PDE4D: variants seen among roughly 807,000 people sequenced by gnomAD.
PDE4D encodes 3',5'-cyclic-AMP phosphodiesterase 4D.
A neutral mutation model predicts 87.4 loss-of-function variants in PDE4D; 24 were observed. That is an observed-to-expected ratio of 0.27 (90% CI 0.20 to 0.39). PDE4D has a LOEUF of 0.39. Among genes scored for constraint, PDE4D ranks in the 10% least tolerant of loss-of-function variants. The pLI, the probability that PDE4D is intolerant of heterozygous loss-of-function variation, is 1.00. For synonymous variants in PDE4D, 384 were observed against 383.2 expected, an observed-to-expected ratio of 1.00 and a Z score of -0.02; for missense variants, 714 against 1,041.0, an observed-to-expected ratio of 0.69 and a Z score of 4.32.
At chr5:59,729,947 G>A (rs1314211640) in intron 1 of PDE4D, among the ~76,000 whole-genome samples, 2 of 151,970 alleles carry the variant, frequency 1.3e-5, no homozygotes, top group African/African-American at 4.8e-5. Flanking sequence ...AATAGCCCCA[G>A]AATAGAAACC....
At chr5:59,792,606 G>A (rs1765936855) in intron 1 of PDE4D, among the ~76,000 whole-genome samples, 1 of 152,106 alleles carries the variant, frequency 6.6e-6, no homozygotes, top group Admixed American at 6.6e-5. Context: ...AACGCAAGGT[G>A]GTAAAAGCAT....
intron 1 of PDE4D, among the ~76,000 whole-genome samples, chr5:60,245,122 G>T (rs1747604363): frequency 6.6e-6 from 1 of 151,900 alleles, no homozygotes; most frequent in Non-Finnish European, 1.5e-5. Flanking sequence ...ATTTAAAAAT[G>T]GGTGAAAGAG....
chr5:59,413,306 A>T (rs2153621968), intron 1 of PDE4D, among the ~76,000 whole-genome samples: 1 of 151,944 alleles, frequency 6.6e-6, no homozygotes, highest in South Asian at 2.1e-4. Flanking sequence ...AAATACAAAA[A>T]AATTAGCCGG....
intron 1 of PDE4D, among the ~76,000 whole-genome samples, chr5:59,826,422 G>T (rs1199180742): frequency 1.3e-5 from 2 of 152,108 alleles, no homozygotes; most frequent in African/African-American, 4.8e-5. Context: ...TTGTGCACAT[G>T]AAAAACATTT....
intron 1 of PDE4D, among the ~76,000 whole-genome samples, chr5:59,334,161 C>T (rs548827722): frequency 1.3e-5 from 2 of 148,808 alleles, no homozygotes; most frequent in East Asian, 4.0e-4. Context: ...GTCTGATAGC[C>T]TTTATAGGAT....
rs74528086 is a variant in PDE4D, at chr5:60,363,461, C to T, written c.-90+124481G>A. Among the ~76,000 whole-genome samples the T allele has an allele frequency of 7.9e-3, 1,208 of 152,264 alleles. 22 individuals are homozygous for T. Among genetic ancestry groups the T allele is most frequent in the African/African-American group, 0.028 (1,174 of 41,546 alleles). On this transcript the variant is annotated intron_variant, in intron 1 of 16. Transcript: ENST00000502484. ...CACTGAATGTGGGCAAATTGTAATTCGTCCATCTAACAAATACTTTTGAGC... is the reference window on the plus strand; with the variant it reads ...CACTGAATGTGGGCAAATTGTAATTTGTCCATCTAACAAATACTTTTGAGC...
intron 5 of PDE4D, among the ~76,000 whole-genome samples, chr5:59,165,670 G>T (rs1373707607): frequency 6.6e-6 from 1 of 152,290 alleles, no homozygotes; most frequent in East Asian, 1.9e-4. Context: ...TTCAGGCTCT[G>T]GAAGGTTAAA....
chr5:59,125,249 C>A (rs973906024), intron 5 of PDE4D: 16 of 983,158 alleles, frequency 1.6e-5, no homozygotes, highest in Non-Finnish European at 1.8e-5. Context: ...TGCTTCTTCC[C>A]TATGAAGTAC....
intron 2 of PDE4D, among the ~76,000 whole-genome samples, chr5:60,137,940 C>A (rs1780191533): frequency 6.6e-6 from 1 of 152,012 alleles, no homozygotes; most frequent in African/African-American, 2.4e-5. Context: ...ATTCTTTAAT[C>A]TACCTTGAGT....
intron 3 of PDE4D, among the ~76,000 whole-genome samples, chr5:59,931,366 C>T (rs1191417379): frequency 6.6e-6 from 1 of 152,138 alleles, no homozygotes; most frequent in East Asian, 1.9e-4. Context: ...TTACATGCTG[C>T]CTAGTCCATT....
chr5:60,315,033 T>C (rs1035844000), intron 1 of PDE4D, among the ~76,000 whole-genome samples: 19 of 152,232 alleles, frequency 1.2e-4, no homozygotes, highest in Non-Finnish European at 2.5e-4. Flanking sequence ...AAGGTATTTC[T>C]AGTTCTAGAT....
chr5:59,812,861 C>A (rs912644521), intron 1 of PDE4D, among the ~76,000 whole-genome samples: 3 of 152,144 alleles, frequency 2.0e-5, no homozygotes, highest in Non-Finnish European at 4.4e-5. Context: ...CAGTAATATA[C>A]ACAATTGAAG....
At chr5:59,436,931 T>C (rs1796878933) in intron 1 of PDE4D, among the ~76,000 whole-genome samples, 1 of 152,188 alleles carries the variant, frequency 6.6e-6, no homozygotes, top group Non-Finnish European at 1.5e-5. Context: ...GAATCAGGTA[T>C]CTAAGTAAGT....
chr5:59,396,227 C>T (rs377099919), intron 1 of PDE4D, among the ~76,000 whole-genome samples: 3 of 114,170 alleles, frequency 2.6e-5, no homozygotes, highest in African/African-American at 3.7e-5. Flanking sequence ...AGGAAATACA[C>T]AGAACGCCAC....
rs1747460807 is a variant in PDE4D at position 58,989,926 on chromosome 5, G to A, written c.1288-7C>T. On this transcript the variant is annotated splice_polypyrimidine_tract_variant and splice_region_variant and intron_variant, in intron 9 of 14. Transcript: ENST00000340635. ...TTTTTAATAAATCCCGTTCCTGTAG[G>A]AAAAAAAATCATCTTAACATTTTTG... The A allele has an allele frequency of 6.8e-7, 1 of 1,466,658 alleles. No individual in the cohort carries two copies. The highest frequency in any genetic ancestry group is 9.4e-7 in the Non-Finnish European group (1 of 1,066,664). The allele number at this position is 1,466,658 out of a possible 1,614,324, so 90.9% of individuals were successfully genotyped here. A position where few individuals can be genotyped will look rare whatever the true frequency, so the allele number is the denominator to read the frequency against.
chr5:59,783,615 C>A (rs1169052359), intron 1 of PDE4D, among the ~76,000 whole-genome samples: 1 of 152,142 alleles, frequency 6.6e-6, no homozygotes, highest in Non-Finnish European at 1.5e-5. Context: ...ATGTCCTAGT[C>A]TAAAACATTT....
chr5:60,066,897 CA>C (rs1295804454), intron 2 of PDE4D, among the ~76,000 whole-genome samples: 2 of 152,078 alleles, frequency 1.3e-5, no homozygotes, highest in Admixed American at 6.6e-5. Flanking sequence ...ATTTTACTGT[CA>C]CACAATTATG....
chr5:60,311,342 A>C (rs1755023696), intron 1 of PDE4D, among the ~76,000 whole-genome samples: 1 of 152,216 alleles, frequency 6.6e-6, no homozygotes. Context: ...CTTCAAAGGA[A>C]ATTCCATCAG....
At chr5:60,049,569 A>G (rs982952134) in intron 2 of PDE4D, among the ~76,000 whole-genome samples, 2 of 152,054 alleles carry the variant, frequency 1.3e-5, no homozygotes, top group Admixed American at 1.3e-4. Context: ...TCTGTTTGTT[A>G]GTTTTCCTTC....
Sources: allele counts gnomAD v4.1 joint callset (sites outside exome capture counted in the v4.1 genomes callset), GRCh38; gene constraint gnomAD v4.1.1; transcripts MANE v1.5; gene names NCBI Gene and HGNC (gene_info 2026-07-23, HGNC 2026-07-21).